The following SNTG1 variants were observed in gnomAD, a reference collection of about 807,000 sequenced individuals.
SNTG1 encodes gamma-1-syntrophin.
A neutral mutation model predicts 74.7 loss-of-function variants in SNTG1; 39 were observed. That is an observed-to-expected ratio of 0.52 (90% CI 0.40 to 0.68). The LOEUF is 0.68. SNTG1 is among the 30% of genes least tolerant of loss of function. The pLI, the probability that SNTG1 is intolerant of heterozygous loss-of-function variation, is 0.00. For synonymous variants in SNTG1, 254 were observed against 217.1 expected (o/e 1.17, Z -1.49); for missense variants, 685 against 609.5 (o/e 1.12, Z -1.30).
chr8:50,284,390 C>A (rs780508143), intron 2 of SNTG1, among the ~76,000 whole-genome samples: 1 of 152,150 alleles, frequency 6.6e-6, no homozygotes, highest in Non-Finnish European at 1.5e-5. Context: ...CAGACATACC[C>A]TGAACATGCC....
intron 17 of SNTG1, among the ~76,000 whole-genome samples, chr8:50,738,737 G>T (rs1338750491): frequency 2.0e-5 from 3 of 150,728 alleles, no homozygotes; most frequent in Non-Finnish European, 4.4e-5. Context: ...CAGAATAGAG[G>T]CCTCAGAAAT....
chr8:50,303,560 TAG>T lies in SNTG1; in HGVS notation c.-27-90650_-27-90649del, dbSNP rs1227729883. 5.3e-5 allele frequency among the ~76,000 whole-genome samples: 8 copies of T among 152,194 alleles called. No individual in the cohort carries two copies. The East Asian group carries it at 1.5e-3, about 29-fold the overall frequency. On this transcript the variant is annotated intron_variant, in intron 2 of 18. Transcript: ENST00000642720. ...AACCTATATAATATGTATAATTTCA[TAG>T]AACATATTACATCTTCTAGAAATAA...
At chr8:50,460,822 G>A (rs2093554393) in intron 8 of SNTG1, among the ~76,000 whole-genome samples, 1 of 152,034 alleles carries the variant, frequency 6.6e-6, no homozygotes, top group Non-Finnish European at 1.5e-5. Flanking sequence ...TCTAGGTTCT[G>A]TATTCTGGTT....
rs146062572 is a variant in SNTG1, at chr8:50,154,405, C to T, written c.-102-18156C>T. Among the ~76,000 whole-genome samples the T allele has an allele frequency of 1.2e-3, 189 of 152,200 alleles. 2 individuals are homozygous for T. The East Asian group carries it at 0.03, about 24-fold the overall frequency. On this transcript the variant is annotated intron_variant, in intron 1 of 18. Transcript: ENST00000642720. ...GGTAAGGCGATGCCTCACCCTGCTTCGGCTCACACTCGGTGGGCTACATCC... is the reference window on the plus strand; with the variant it reads ...GGTAAGGCGATGCCTCACCCTGCTTTGGCTCACACTCGGTGGGCTACATCC...
At chr8:50,267,209 A>G (rs920266836) in intron 2 of SNTG1, among the ~76,000 whole-genome samples, 1 of 152,076 alleles carries the variant, frequency 6.6e-6, no homozygotes. Flanking sequence ...AGGTTTTTTT[A>G]GGGTTAACCT....
chr8:50,646,491 T>TGTGGGTTTGTTTTAATAAAA (rs2095109939), intron 13 of SNTG1, among the ~76,000 whole-genome samples: 1 of 152,176 alleles, frequency 6.6e-6, no homozygotes, highest in African/African-American at 2.4e-5. Context: ...CAGATAAATT[T>TGTGGGTTTGTTTTAATAAAA]GTGGGTTTGT....
chr8:50,703,003 G>A (rs2095431341), intron 15 of SNTG1, among the ~76,000 whole-genome samples: 2 of 152,168 alleles, frequency 1.3e-5, no homozygotes, highest in African/African-American at 4.8e-5. Context: ...TAGTTGCTCT[G>A]GGTGAGTCAA....
intron 1 of SNTG1, among the ~76,000 whole-genome samples, chr8:49,971,003 T>A (rs897878568): frequency 7.9e-5 from 12 of 152,144 alleles, no homozygotes; most frequent in Admixed American, 6.5e-4. Context: ...GAGGGAATCC[T>A]CCCTAACTCA....
intron 9 of SNTG1, among the ~76,000 whole-genome samples, chr8:50,503,160 A>C (rs775584625): frequency 6.6e-6 from 1 of 152,192 alleles, no homozygotes; most frequent in Non-Finnish European, 1.5e-5. Flanking sequence ...TGCATTATGC[A>C]TGTCTATTAA....
chr8:50,752,100 A>T lies in SNTG1; in HGVS notation c.1384A>T (p.Ile462Phe), dbSNP rs771603304. 4 of 1,545,880 alleles carry T rather than the reference A, an allele frequency of 2.6e-6. No individual in the cohort carries two copies. Among genetic ancestry groups the T allele is most frequent in the Non-Finnish European group, 3.5e-6 (4 of 1,151,618 alleles). ...FLFQNPDTKQ[I>F]EAKELEFSNL... Reference sequence around the variant, plus strand: ...GTTTCAGAATCCAGATACTAAACAGATTGAAGCAAAGGTAAACCCAAGAAA... The same window carrying T: ...GTTTCAGAATCCAGATACTAAACAGTTTGAAGCAAAGGTAAACCCAAGAAA... The change falls in exon 18 of 19, where the codon ATT becomes TTT. Residue 462 changes from isoleucine to phenylalanine, a missense_variant. Transcript: ENST00000642720.
intron 2 of SNTG1, among the ~76,000 whole-genome samples, chr8:50,389,960 T>C (rs1458443160): frequency 6.6e-6 from 1 of 152,226 alleles, no homozygotes; most frequent in Non-Finnish European, 1.5e-5. Flanking sequence ...TTTGTTTGAG[T>C]TCTTTGTAGG....
At chr8:50,426,874 A>G (rs1341265963) in intron 4 of SNTG1, among the ~76,000 whole-genome samples, 4 of 152,200 alleles carry the variant, frequency 2.6e-5, no homozygotes, top group Non-Finnish European at 2.9e-5. Flanking sequence ...TATTTACTAT[A>G]TAGGCTATAA....
At chr8:50,729,557 G>C (rs1038218171) in intron 17 of SNTG1, among the ~76,000 whole-genome samples, 26 of 152,078 alleles carry the variant, frequency 1.7e-4, no homozygotes, top group African/African-American at 5.3e-4. Flanking sequence ...GGTCTCTTTT[G>C]TCAGCCAGCT....
Position 50,188,378 on chromosome 8 carries a change from A to T in SNTG1, c.-28+15743A>T, listed in dbSNP as rs753829857. 3.3e-5 allele frequency among the ~76,000 whole-genome samples: 5 copies of T among 152,110 alleles called. 1 individual carries two copies. Among genetic ancestry groups the T allele is most frequent in the African/African-American group, 9.7e-5 (4 of 41,422 alleles). ...ACTCATCCACGTTCTGCCCACTGGG[A>T]GGATTTTCCTTTGCGATTGTCTTCA... is the stretch of plus-strand genomic sequence containing the variant. On this transcript the variant is annotated intron_variant, in intron 2 of 18. Coordinates refer to ENST00000642720, the MANE Select transcript of SNTG1 (RefSeq NM_018967.5).
intron 8 of SNTG1, among the ~76,000 whole-genome samples, chr8:50,479,638 C>T (rs763125547): frequency 1.3e-5 from 2 of 152,016 alleles, no homozygotes; most frequent in African/African-American, 2.4e-5. Flanking sequence ...TGCCTGAGAG[C>T]CCTTCCTCTG....
At chr8:50,006,152 G>A (rs13273334) in intron 1 of SNTG1, among the ~76,000 whole-genome samples, 2 of 151,270 alleles carry the variant, frequency 1.3e-5, no homozygotes, top group African/African-American at 2.4e-5. Context: ...CAGTAATGAC[G>A]GGGTTTCATC....
chr8:50,077,115 C>CT (rs1439535785), intron 1 of SNTG1, among the ~76,000 whole-genome samples: 1 of 152,182 alleles, frequency 6.6e-6, no homozygotes, highest in Non-Finnish European at 1.5e-5. Flanking sequence ...GATTGACAGA[C>CT]TGCAAATGCA....
chr8:50,295,282 T>C (rs755994370), intron 2 of SNTG1, among the ~76,000 whole-genome samples: 73 of 152,310 alleles, frequency 4.8e-4, no homozygotes, highest in Non-Finnish European at 4.7e-4. Context: ...GCAACGTTGA[T>C]AGGAGGTTGA....
chr8:50,330,218 G>A (rs2957606), intron 2 of SNTG1, among the ~76,000 whole-genome samples: 132,184 of 152,040 alleles, frequency 0.87, 60,490 homozygotes, highest in East Asian at 1. Context: ...TTATAAGGGG[G>A]TTTTTCCCCT....
Sources: allele counts gnomAD v4.1 joint callset (sites outside exome capture counted in the v4.1 genomes callset), GRCh38; gene constraint gnomAD v4.1.1; transcripts MANE v1.5; gene names NCBI Gene and HGNC (gene_info 2026-07-23, HGNC 2026-07-21).